Variants in SYN2 observed in about 807,000 individuals in gnomAD.
SYN2 encodes synapsin-2.
In SYN2, 19 loss-of-function variants were observed where a neutral mutation model predicts 50.9. The ratio of observed to expected loss-of-function variants is 0.37; its 90% confidence interval spans 0.26 to 0.55. The LOEUF is 0.55. Ranked by LOEUF, SYN2 falls within the 20% of genes least tolerant of loss-of-function variation. The probability of loss-of-function intolerance (pLI) is 0.81; values close to 1 mark genes in which losing one functional copy is unlikely to be tolerated. For missense variants in SYN2, 587 were observed against 576.4 expected, an observed-to-expected ratio of 1.02 and a Z score of -0.19; for synonymous variants, 255 against 224.9, an observed-to-expected ratio of 1.13 and a Z score of -1.20.
chr3:12,172,984 G>A (rs567973023), intron 10 of SYN2, among the ~76,000 whole-genome samples: 52 of 152,342 alleles, frequency 3.4e-4, no homozygotes, highest in African/African-American at 1.2e-3. Flanking sequence ...GAAATGCAGA[G>A]TGTGTGCTTA....
intron 1 of SYN2, among the ~76,000 whole-genome samples, chr3:12,034,200 TG>T (rs1694444359): frequency 6.6e-6 from 1 of 152,228 alleles, no homozygotes; most frequent in African/African-American, 2.4e-5. Flanking sequence ...AGTTATTGTC[TG>T]GTTTTTTTAT....
chr3:12,114,113 C>G (rs1437262479), intron 1 of SYN2, among the ~76,000 whole-genome samples: 1 of 151,488 alleles, frequency 6.6e-6, no homozygotes, highest in African/African-American at 2.4e-5. Flanking sequence ...GACAATAGTC[C>G]ATCTTTTTTT....
intron 1 of SYN2, among the ~76,000 whole-genome samples, chr3:12,013,773 C>T (rs1427340445): frequency 5.3e-5 from 8 of 152,166 alleles, no homozygotes; most frequent in South Asian, 2.1e-4. Flanking sequence ...TCAGGAGCTT[C>T]TTACATCCTA....
At chr3:12,183,611 C>G in intron 11 of SYN2, 1 of 1,455,448 alleles carries the variant, frequency 6.9e-7, no homozygotes, top group Non-Finnish European at 9.0e-7. Flanking sequence ...GGTTGTTTAC[C>G]TGTTCCTGTT....
intron 1 of SYN2, among the ~76,000 whole-genome samples, chr3:12,077,260 G>T (rs2125171824): frequency 6.6e-6 from 1 of 151,926 alleles, no homozygotes; most frequent in East Asian, 1.9e-4. Flanking sequence ...TCTAAGCATG[G>T]CCATAGATTT....
intron 5 of SYN2, chr3:12,158,675 T>G: frequency 6.2e-7 from 1 of 1,608,718 alleles, no homozygotes; most frequent in Non-Finnish European, 8.5e-7. Flanking sequence ...CACCCCCTGC[T>G]GTGGACCTCG....
intron 1 of SYN2, among the ~76,000 whole-genome samples, chr3:12,062,199 G>A (rs1472003249): frequency 6.6e-6 from 1 of 152,038 alleles, no homozygotes; most frequent in East Asian, 1.9e-4. Context: ...CAATGGAACA[G>A]AGAGCCCAGA....
chr3:12,067,678 G>C (rs1401383896), intron 1 of SYN2, among the ~76,000 whole-genome samples: 10 of 151,204 alleles, frequency 6.6e-5, no homozygotes, highest in African/African-American at 2.4e-4. Flanking sequence ...GAACTTTCCT[G>C]GTTCATTTCC....
intron 1 of SYN2, among the ~76,000 whole-genome samples, chr3:12,090,804 T>G (rs950581885): frequency 6.6e-6 from 1 of 152,154 alleles, no homozygotes; most frequent in Admixed American, 6.6e-5. Flanking sequence ...TTTCTAACTT[T>G]TCCTCCACAG....
intron 1 of SYN2, among the ~76,000 whole-genome samples, chr3:12,137,571 A>G (rs1348445466): frequency 6.6e-6 from 1 of 152,250 alleles, no homozygotes; most frequent in African/African-American, 2.4e-5. Context: ...TATAATGCCA[A>G]TGCCAATACA....
chr3:12,151,643 GC>G (rs1408749656), intron 5 of SYN2, among the ~76,000 whole-genome samples: 1 of 152,218 alleles, frequency 6.6e-6, no homozygotes, highest in Non-Finnish European at 1.5e-5. Context: ...CATTGAACAA[GC>G]TGCATTTCCT....
chr3:12,122,246 C>G (rs920998790), intron 1 of SYN2, among the ~76,000 whole-genome samples: 1 of 152,114 alleles, frequency 6.6e-6, no homozygotes, highest in African/African-American at 2.4e-5. Flanking sequence ...AAAAAGAGAA[C>G]AATTTTCTTT....
At chr3:12,144,792 G>A (rs138207632) in intron 3 of SYN2, among the ~76,000 whole-genome samples, 87 of 152,126 alleles carry the variant, frequency 5.7e-4, no homozygotes, top group Non-Finnish European at 1.0e-3. Context: ...AGGCCAAGGC[G>A]GGCAGATCAC....
intron 1 of SYN2, among the ~76,000 whole-genome samples, chr3:12,127,717 A>T (rs1248260360): frequency 6.6e-6 from 1 of 152,208 alleles, no homozygotes; most frequent in Admixed American, 6.5e-5. Context: ...CTGCTGCGCC[A>T]TGGTGGTGAG....
chr3:12,093,377 C>T (rs117029412), intron 1 of SYN2, among the ~76,000 whole-genome samples: 1 of 152,102 alleles, frequency 6.6e-6, no homozygotes, highest in Non-Finnish European at 1.5e-5. Flanking sequence ...AAAAAGATGA[C>T]TGACATCATT....
intron 1 of SYN2, among the ~76,000 whole-genome samples, chr3:12,036,427 C>T (rs1403779796): frequency 6.6e-6 from 1 of 152,208 alleles, no homozygotes; most frequent in Non-Finnish European, 1.5e-5. Context: ...CCTGTGGATA[C>T]CACCAAGGTT....
chr3:12,056,830 C>T (rs1340795320), intron 1 of SYN2, among the ~76,000 whole-genome samples: 3 of 152,128 alleles, frequency 2.0e-5, no homozygotes, highest in Non-Finnish European at 4.4e-5. Context: ...AGTATCTAGC[C>T]TTCAGTTAGT....
At chr3:12,154,594 A>T in intron 5 of SYN2, 1 of 808,362 alleles carries the variant, frequency 1.2e-6, no homozygotes, top group Non-Finnish European at 1.9e-6. Context: ...GAAGGGACCA[A>T]TAAATAAAAC....
intron 1 of SYN2, among the ~76,000 whole-genome samples, chr3:12,131,695 C>A (rs567015527): frequency 6.6e-6 from 1 of 151,724 alleles, no homozygotes; most frequent in African/African-American, 2.4e-5. Flanking sequence ...TCTTGTGATA[C>A]TGCATCATTT....
Sources: allele counts gnomAD v4.1 joint callset (sites outside exome capture counted in the v4.1 genomes callset), GRCh38; gene constraint gnomAD v4.1.1; transcripts MANE v1.5; gene names NCBI Gene and HGNC (gene_info 2026-07-23, HGNC 2026-07-21).